The following ZNF445 variants were observed in gnomAD, a reference collection of about 807,000 sequenced individuals.
ZNF445 encodes zinc finger protein 445.
In ZNF445, 19 loss-of-function variants were observed where a neutral mutation model predicts 93.9. The observed-to-expected ratio is 0.20, with a 90% CI of 0.14 to 0.30. The LOEUF (loss-of-function observed/expected upper bound fraction) is 0.30, where lower values mean the gene tolerates loss of function less well. ZNF445 is among the 10% of genes least tolerant of loss of function. The pLI is 1.00. For synonymous variants in ZNF445, 449 were observed against 446.3 expected (o/e 1.01, Z -0.08); for missense variants, 1,058 against 1,259.4 (o/e 0.84, Z 2.42).
intron 1 of ZNF445, among the ~76,000 whole-genome samples, chr3:44,463,996 C>T (rs1019628788): frequency 6.6e-6 from 1 of 152,092 alleles, no homozygotes. Context: ...CGTAGTGGTG[C>T]GTGCCTGTAG....
At chr3:44,470,083 C>T (rs1416915698) in intron 1 of ZNF445, among the ~76,000 whole-genome samples, 2 of 152,080 alleles carry the variant, frequency 1.3e-5, no homozygotes, top group African/African-American at 4.8e-5. Context: ...ATGTGCCACC[C>T]TCACTCTGCC....
intron 1 of ZNF445, among the ~76,000 whole-genome samples, chr3:44,467,866 T>G (rs555489260): frequency 3.6e-4 from 55 of 152,198 alleles, no homozygotes; most frequent in Middle Eastern, 3.4e-3. Context: ...TTCTTGAGGG[T>G]TTTTTTCTGC....
chr3:44,459,175 T>C lies in ZNF445; in HGVS notation c.-268-811A>G, dbSNP rs942783425. ...CCTGCACCCAGAACACTGCCAGACCTCCCCCTGTGTATCTCTTCATCTAGT... is the reference window on the plus strand; with the variant it reads ...CCTGCACCCAGAACACTGCCAGACCCCCCCCTGTGTATCTCTTCATCTAGT... On this transcript the variant is annotated intron_variant, in intron 1 of 7. Coordinates refer to ENST00000396077, the MANE Select transcript of ZNF445 (RefSeq NM_181489.6). Among the ~76,000 whole-genome samples the C allele has an allele frequency of 2.6e-4, 40 of 152,006 alleles. 3 individuals carry two copies. Among genetic ancestry groups the C allele is most frequent in the African/African-American group, 2.4e-5 (1 of 41,372 alleles).
rs1697671818 is a variant in ZNF445 at position 44,435,949 on chromosome 3, C to G, written c.*10626G>C. On this transcript the variant is annotated 3_prime_UTR_variant, in exon 8 of 8. Transcript: ENST00000396077. ...CAGAAAAGTCTAATTATTTGCCCTT[C>G]CCAATGCACAATCACTCTGATAAAT... 2.6e-5 allele frequency: 4 copies of G among 152,192 alleles called. No individual in the cohort carries two copies. The highest frequency in any genetic ancestry group is 9.7e-5 in the African/African-American group (4 of 41,434). 9.4% of individuals were successfully genotyped at this position (152,192 alleles called of 1,614,324 possible). A position where few individuals can be genotyped will look rare whatever the true frequency, so the allele number is the denominator to read the frequency against.
At chr3:44,475,175 T>C (rs1383719949) in intron 1 of ZNF445, among the ~76,000 whole-genome samples, 1 of 152,140 alleles carries the variant, frequency 6.6e-6, no homozygotes, top group Non-Finnish European at 1.5e-5. Flanking sequence ...TTATCTGATT[T>C]ATTTCCATTT....
At chr3:44,450,328 G>A in intron 6 of ZNF445, 119 bp downstream of exon 6, 1 of 1,254,704 alleles carries the variant, frequency 8.0e-7, no homozygotes, top group East Asian at 2.3e-5. Context: ...TAAGTGATCT[G>A]GTCAGCAGTT....
intron 7 of ZNF445, 26 bp downstream of exon 7, chr3:44,449,487 G>A: frequency 1.3e-6 from 2 of 1,552,294 alleles, no homozygotes; most frequent in Non-Finnish European, 1.8e-6. Flanking sequence ...GGAGGAGCAG[G>A]ACCTGGCAGG....
At chr3:44,471,730 A>G (rs184054199) in intron 1 of ZNF445, among the ~76,000 whole-genome samples, 3 of 152,210 alleles carry the variant, frequency 2.0e-5, no homozygotes, top group African/African-American at 7.2e-5. Context: ...GCCCTACTCT[A>G]TGGGCCAAGA....
chr3:44,454,487 G>T (rs572416371), intron 3 of ZNF445, among the ~76,000 whole-genome samples: 1 of 152,150 alleles, frequency 6.6e-6, no homozygotes, highest in Admixed American at 6.5e-5. Context: ...AGGCTGGAGC[G>T]CAGTGGTGCA....
rs34880145 is a variant in ZNF445, at chr3:44,434,250, CAA to C, written c.*12323_*12324del. ...TAACATGGTGAAACCCTGCCTTTACCAAAAAAAAAAAAAAAAAAATTAGCCGG... is the reference window on the plus strand; with the variant it reads ...TAACATGGTGAAACCCTGCCTTTACCAAAAAAAAAAAAAAAAATTAGCCGG... On this transcript the variant is annotated 3_prime_UTR_variant, in exon 8 of 8. Coordinates refer to ENST00000396077, the MANE Select transcript of ZNF445 (RefSeq NM_181489.6). 57,750 of 133,186 alleles carry C rather than the reference CAA, an allele frequency of 0.43. 12,665 individuals are homozygous for C. The highest frequency in any genetic ancestry group is 0.83 in the East Asian group (3,841 of 4,612). The allele number at this position is 133,186 out of a possible 1,614,324, so 8.3% of individuals were successfully genotyped here. A position where few individuals can be genotyped will look rare whatever the true frequency, so the allele number is the denominator to read the frequency against.
At position 44,463,024 on chromosome 3, in the gene ZNF445, T is replaced by C. The variant is rs1297142213; in HGVS notation, c.-268-4660A>G. Among the ~76,000 whole-genome samples the C allele has an allele frequency of 3.3e-4, 48 of 143,304 alleles. 1 individual carries two copies. The highest frequency in any genetic ancestry group is 1.2e-3 in the African/African-American group (45 of 36,874). 94.0% of individuals were successfully genotyped at this position (143,304 alleles called of 152,430 possible). Reference sequence around the variant, plus strand: ...TTATTTTTTTCTTTGTGTGTGTGTGTGTGTGTGTGTGTGTGTGTGTGTGTG... The same window carrying C: ...TTATTTTTTTCTTTGTGTGTGTGTGCGTGTGTGTGTGTGTGTGTGTGTGTG... On this transcript the variant is annotated intron_variant, in intron 1 of 7. Coordinates refer to ENST00000396077, the MANE Select transcript of ZNF445 (RefSeq NM_181489.6).
At chr3:44,472,349 T>A (rs989317926) in intron 1 of ZNF445, among the ~76,000 whole-genome samples, 2 of 152,134 alleles carry the variant, frequency 1.3e-5, no homozygotes, top group South Asian at 2.1e-4. Context: ...GACTTTTTTT[T>A]CCCCCCTACA....
chr3:44,451,466 T>C lies in ZNF445; in HGVS notation c.446A>G (p.Gln149Arg). 6.2e-7 allele frequency: 1 copy of C among 1,608,252 alleles called. No individual in the cohort carries two copies. The highest frequency in any genetic ancestry group is 8.5e-7 in the Non-Finnish European group (1 of 1,175,674). ...ACCCATCCAATGCACATCTGGGCTC[T>C]GGGCAGGGCCCGGGTCCTGGCAAGA... ...GTSWRDPGPA[Q>R]SPDVHWMGTG... The change falls in exon 4 of 8, where the codon CAG (glutamine) becomes CGG (arginine). Residue 149 changes from glutamine to arginine, a missense_variant. This residue lies in a region of ZNF445 where 657 missense variants were observed against 746.4 expected (regional missense o/e 0.88). Coordinates refer to ENST00000396077, the MANE Select transcript of ZNF445 (RefSeq NM_181489.6).
At chr3:44,459,736 G>A (rs1269514330) in intron 1 of ZNF445, among the ~76,000 whole-genome samples, 1 of 152,200 alleles carries the variant, frequency 6.6e-6, no homozygotes, top group African/African-American at 2.4e-5. Flanking sequence ...TATGATAGAG[G>A]CAGCATTAGA....
In ZNF445 at chr3:44,455,654, G is replaced by T; in HGVS notation, c.-105C>A. 3 of 1,072,486 alleles carry T rather than the reference G, an allele frequency of 2.8e-6. No individual in the cohort carries two copies. Among genetic ancestry groups the T allele is most frequent in the Non-Finnish European group, 3.9e-6 (3 of 761,586 alleles). The allele number at this position is 1,072,486 out of a possible 1,614,324, so 66.4% of individuals were successfully genotyped here. A position where few individuals can be genotyped will look rare whatever the true frequency, so the allele number is the denominator to read the frequency against. ...AGTCAACAATGCCAACATTTGCTGG[G>T]ACATCAGAAGTCATCAGCAAGTGAC... On this transcript the variant is annotated 5_prime_UTR_variant, in exon 3 of 8. Transcript: ENST00000396077.
rs1697668682 is a variant in ZNF445 at position 44,435,830 on chromosome 3, AC to A, written c.*10744del. 6.6e-6 allele frequency: 1 copy of A among 152,084 alleles called. No individual in the cohort carries two copies. The highest frequency in any genetic ancestry group is 2.4e-5 in the African/African-American group (1 of 41,388). The allele number at this position is 152,084 out of a possible 1,614,324, so 9.4% of individuals were successfully genotyped here. ...ATCTGAGCCAAAAAGCCCATTGATC[AC>A]CTGACCTCCATACACTCTTACTCTG... On this transcript the variant is annotated 3_prime_UTR_variant, in exon 8 of 8. Coordinates refer to ENST00000396077, the MANE Select transcript of ZNF445 (RefSeq NM_181489.6).
intron 3 of ZNF445, among the ~76,000 whole-genome samples, chr3:44,451,821 G>T (rs1697962890): frequency 6.6e-6 from 1 of 152,018 alleles, no homozygotes; most frequent in Non-Finnish European, 1.5e-5. Context: ...TCCCACCCCA[G>T]GCCTGTAACT....
rs1575304921 is a variant in ZNF445 at position 44,441,557 on chromosome 3, A to C, written c.*5018T>G. The C allele has an allele frequency of 6.6e-6, 1 of 152,306 alleles. No individual in the cohort carries two copies. The highest frequency in any genetic ancestry group is 1.5e-5 in the Non-Finnish European group (1 of 68,024). 9.4% of individuals were successfully genotyped at this position (152,306 alleles called of 1,614,324 possible). On this transcript the variant is annotated 3_prime_UTR_variant, in exon 8 of 8. Coordinates refer to ENST00000396077, the MANE Select transcript of ZNF445 (RefSeq NM_181489.6). ...CCAATTTTTGCAGGTGAGGAAATGG[A>C]AGCCTTGAAAGATTAGGTGGCTCAC...
At chr3:44,472,054 A>T (rs1044037888) in intron 1 of ZNF445, among the ~76,000 whole-genome samples, 4 of 152,170 alleles carry the variant, frequency 2.6e-5, no homozygotes, top group Non-Finnish European at 4.4e-5. Context: ...AAAAGAAGAG[A>T]GACTTTCATG....
Sources: gnomAD v4.1 joint callset for allele counts (sites outside exome capture counted in the v4.1 genomes callset) on GRCh38, gnomAD v4.1.1 for gene constraint, gnomAD v4.1.1 regional missense constraint, MANE v1.5 for transcripts, NCBI Gene and HGNC (gene_info 2026-07-23, HGNC 2026-07-21) for gene names.